EPG5: variants seen among roughly 807,000 people sequenced by gnomAD.
EPG5 encodes the protein ectopic P granules protein 5 homolog.
A neutral mutation model predicts 302.7 loss-of-function variants in EPG5; 159 were observed. That is an observed-to-expected ratio of 0.53 (90% CI 0.46 to 0.60). The LOEUF (loss-of-function observed/expected upper bound fraction) is 0.60, where lower values mean the gene tolerates loss of function less well. EPG5 is among the 20% of genes least tolerant of loss of function. The probability of loss-of-function intolerance (pLI) is 0.00; values close to 1 mark genes in which losing one functional copy is unlikely to be tolerated. For synonymous variants in EPG5, 1,158 were observed against 1,136.8 expected, an observed-to-expected ratio of 1.02 and a Z score of -0.37; for missense variants, 2,896 against 3,092.4, an observed-to-expected ratio of 0.94 and a Z score of 1.51.
chr18:45,823,677 C>A, the EPG5 span, among the ~76,000 whole-genome samples: 2 of 152,150 alleles, frequency 1.3e-5, no homozygotes, highest in Non-Finnish European at 2.9e-5. Context: ...TGCTAGTCTG[C>A]ACAAAGTCCT....
At position 45,947,342 on chromosome 18, in the gene EPG5, G is replaced by A. The variant is rs2050804455; in HGVS notation, c.1572-574C>T. Reference sequence around the variant, plus strand: ...GCAGGAGAATCTCTTGAACCCAGGAGGCAGAGGTTGCAGTGAGCTGAGATC... The same window carrying A: ...GCAGGAGAATCTCTTGAACCCAGGAAGCAGAGGTTGCAGTGAGCTGAGATC... On this transcript the variant is annotated intron_variant, in intron 6 of 43. Coordinates refer to ENST00000282041, the MANE Select transcript of EPG5 (RefSeq NM_020964.3). Among the ~76,000 whole-genome samples, 3 of 152,260 alleles carry A rather than the reference G, an allele frequency of 2.0e-5. No homozygotes were observed. In the Middle Eastern group the frequency reaches 0.01, roughly 518 times the overall value.
At chr18:45,881,066 G>C (rs1332968252) in intron 31 of EPG5, among the ~76,000 whole-genome samples, 1 of 152,210 alleles carries the variant, frequency 6.6e-6, no homozygotes, top group East Asian at 1.9e-4. Context: ...CAGTAGAAGA[G>C]CAAAGGATGC....
Position 45,954,876 on chromosome 18 carries a change from G to C in EPG5, c.526C>G (p.Gln176Glu). 6.2e-7 allele frequency: 1 copy of C among 1,614,098 alleles called. No homozygotes were observed. The highest frequency in any genetic ancestry group is 8.5e-7 in the Non-Finnish European group (1 of 1,180,006). ...CCTTGTTTGTCTTCTTTACTATTCTGAGTTTCTCTGACTTGTATATTTTCC... is the reference window on the plus strand; with the variant it reads ...CCTTGTTTGTCTTCTTTACTATTCTCAGTTTCTCTGACTTGTATATTTTCC... ...AMENIQVRET[Q>E]NSKEDKQGLV... is the part of the protein sequence containing the mutation. Residue 176 changes from glutamine (Q) to glutamate (E), a missense_variant, in exon 2 of 44, where the codon CAG (glutamine) becomes GAG (glutamate). By Grantham distance (29) the Gln-to-Glu change is conservative (BLOSUM62 2). Around this residue, in one of 5 missense-constraint regions of EPG5, gnomAD observed 1,390 missense variants for 1,430.0 expected, o/e 0.97. Coordinates refer to ENST00000282041, the MANE Select transcript of EPG5 (RefSeq NM_020964.3).
rs369369860 is a variant in EPG5, at chr18:45,961,858, CAA to C, written c.63+5317_63+5318del. On this transcript the variant is annotated intron_variant, in intron 1 of 43. Transcript: ENST00000282041. ...GGGCGACAACAGTGAGACTCTGTCC[CAA>C]AAAAAAAAAAAAAAAACTATCCAGA... Among the ~76,000 whole-genome samples the C allele has an allele frequency of 2.6e-4, 26 of 98,438 alleles. No homozygotes were observed. The South Asian group carries it at 4.6e-3, about 17-fold the overall frequency. 64.6% of individuals were successfully genotyped at this position (98,438 alleles called of 152,430 possible). A position where few individuals can be genotyped will look rare whatever the true frequency, so the allele number is the denominator to read the frequency against.
chr18:45,939,759 A>G lies in EPG5; in HGVS notation c.1944-4T>C. ...ACTTACATAACCAAGAGTCATCCTG[A>G]GCATGAGGAAAGATAATACAGTACT... is the stretch of plus-strand genomic sequence containing the variant. On this transcript the variant is annotated splice_polypyrimidine_tract_variant and splice_region_variant and intron_variant, in intron 9 of 43. Coordinates refer to ENST00000282041, the MANE Select transcript of EPG5 (RefSeq NM_020964.3). The G allele has an allele frequency of 6.2e-7, 1 of 1,612,780 alleles. No homozygotes were observed. Among genetic ancestry groups the G allele is most frequent in the Non-Finnish European group, 8.5e-7 (1 of 1,179,666 alleles).
chr18:45,860,408 G>A, intron 39 of EPG5, 62 bp from the exon 40 acceptor site: 4 of 1,598,170 alleles, frequency 2.5e-6, no homozygotes, highest in Non-Finnish European at 3.4e-6. Flanking sequence ...ATGTGATCAG[G>A]AGAATAACAG....
intron 10 of EPG5, among the ~76,000 whole-genome samples, chr18:45,936,198 T>C (rs956219880): frequency 6.6e-6 from 1 of 152,228 alleles, no homozygotes; most frequent in Non-Finnish European, 1.5e-5. Flanking sequence ...CATGGTACTG[T>C]AATTTACATA....
rs921765552 is a variant in EPG5, at chr18:45,880,092, G to C, written c.5650C>G (p.Leu1884Val). 10 of 1,598,338 alleles carry C rather than the reference G, an allele frequency of 6.3e-6. No homozygotes were observed. The highest frequency in any genetic ancestry group is 1.7e-5 in the Admixed American group (1 of 57,480). The change falls in exon 32 of 44, where the codon CTC (leucine) becomes GTC (valine). Residue 1884 changes from leucine (L) to valine (V), a missense_variant. Physicochemically the swap from Leu to Val is conservative, Grantham distance 32. Transcript: ENST00000282041. Reference protein sequence around the residue: ...GAVLPSSSDALLSDKQVMETI... With the variant: ...GAVLPSSSDAVLSDKQVMETI... ...CTACACACCTGCTTGTCTGACAAGAGAGCATCAGAAGAGCTGGGAAGCACG... is the reference window on the plus strand; with the variant it reads ...CTACACACCTGCTTGTCTGACAAGACAGCATCAGAAGAGCTGGGAAGCACG...
intron 27 of EPG5, among the ~76,000 whole-genome samples, chr18:45,891,999 G>A (rs1428248278): frequency 1.3e-5 from 2 of 152,166 alleles, no homozygotes; most frequent in Non-Finnish European, 2.9e-5. Context: ...GGAGAGACAG[G>A]AGCCAAACAG....
At position 45,952,627 on chromosome 18, in the gene EPG5, T is replaced by A. The variant is rs2050937733; in HGVS notation, c.1025A>T (p.Gln342Leu). ...QMSVQGICAD[Q>L]VKVFSYHRYQ... ...GCGATGATAGCTGAAAACTTTCACT[T>A]GATCTGCACAGATACCCTACCAGAG... is the stretch of plus-strand genomic sequence containing the variant. Residue 342 changes from glutamine to leucine, a missense_variant, in exon 3 of 44, where the codon CAA (glutamine) becomes CTA (leucine). Physicochemically the swap from Gln to Leu is moderately radical, Grantham distance 113 (BLOSUM62 -2). Around this residue, in one of 5 missense-constraint regions of EPG5, gnomAD observed 1,390 missense variants for 1,430.0 expected, o/e 0.97. Coordinates refer to ENST00000282041, the MANE Select transcript of EPG5 (RefSeq NM_020964.3). The A allele has an allele frequency of 6.2e-7, 1 of 1,614,060 alleles. No individual in the cohort carries two copies. The highest frequency in any genetic ancestry group is 8.5e-7 in the Non-Finnish European group (1 of 1,180,034).
downstream of EPG5, among the ~76,000 whole-genome samples, chr18:45,847,244 C>A (rs1326953574): frequency 6.6e-6 from 1 of 152,212 alleles, no homozygotes; most frequent in Non-Finnish European, 1.5e-5. Context: ...GGGCATCCCA[C>A]CACTGAAGGT....
chr18:45,899,604 G>C, intron 26 of EPG5, 38 bp from the exon 27 acceptor site: 1 of 1,611,744 alleles, frequency 6.2e-7, no homozygotes, highest in Non-Finnish European at 8.5e-7. Context: ...AAAGTCTTAG[G>C]AAAGGTTATA....
rs1376787433 is a variant in EPG5 at position 45,955,025 on chromosome 18, T to A, written c.377A>T (p.Asp126Val). The A allele has an allele frequency of 6.2e-7, 1 of 1,614,224 alleles. No homozygotes were observed. The highest frequency in any genetic ancestry group is 8.5e-7 in the Non-Finnish European group (1 of 1,180,034). ...SAVTPKVHPG[D>V]NVGTKVETPK... The stretch of plus-strand genomic sequence containing the variant: ...GGTTTCTACTTTAGTTCCAACATTG[T>A]CTCCAGGGTGGACCTTTGGAGTGAC... Residue 126 changes from aspartate (D) to valine (V), a missense_variant, in exon 2 of 44, where the codon GAC becomes GTC. Asp to Val is a radical substitution (Grantham distance 152). Around this residue, in one of 5 missense-constraint regions of EPG5, gnomAD observed 1,390 missense variants for 1,430.0 expected, o/e 0.97. Coordinates refer to ENST00000282041, the MANE Select transcript of EPG5 (RefSeq NM_020964.3).
rs1363379972 is a variant in EPG5 at position 45,949,694 on chromosome 18, T to A, written c.1390-103A>T. ...ATCCAGTGCTTCAATACATGCAATC[T>A]TTCAAAAGAGTAACCAGACACAAGA... On this transcript the variant is annotated intron_variant, in intron 4 of 43. Transcript: ENST00000282041. The A allele has an allele frequency of 7.6e-6, 5 of 656,540 alleles. No individual in the cohort carries two copies. In the East Asian group the frequency reaches 1.4e-4, roughly 19 times the overall value. The allele number at this position is 656,540 out of a possible 1,614,324, so 40.7% of individuals were successfully genotyped here.
the EPG5 span, among the ~76,000 whole-genome samples, chr18:45,812,253 CAACAA>C: frequency 1.3e-5 from 2 of 152,052 alleles, no homozygotes; most frequent in East Asian, 3.8e-4. Context: ...AACCACTGCT[CAACAA>C]AACAAAAGAG....
chr18:45,844,256 G>C (rs1435936129), downstream of EPG5, among the ~76,000 whole-genome samples: 3 of 152,260 alleles, frequency 2.0e-5, no homozygotes, highest in East Asian at 5.8e-4. Context: ...ATGGTTACCA[G>C]GGGCTGGGAA....
intron 27 of EPG5, among the ~76,000 whole-genome samples, chr18:45,894,694 A>C (rs137884731): frequency 1.3e-5 from 2 of 152,298 alleles, no homozygotes; most frequent in African/African-American, 4.8e-5. Context: ...GTGGGAGGAG[A>C]ACAAAAGCAG....
rs368077462 is a variant in EPG5, at chr18:45,916,523, G to C, written c.3299C>G (p.Thr1100Arg). ...TGCCACCTTGTGGGTGACCTGTTGT[G>C]TGACACCCTGAGGGACACCGCTGTC... is the stretch of plus-strand genomic sequence containing the variant. ...HLDSGVPQGV[T>R]QQVTHKVAQH... The change falls in exon 18 of 44, where the codon ACA (threonine) becomes AGA (arginine). Residue 1100 changes from threonine to arginine, a missense_variant. By Grantham distance (71) the Thr-to-Arg change is moderately conservative (BLOSUM62 -1). Coordinates refer to ENST00000282041, the MANE Select transcript of EPG5 (RefSeq NM_020964.3). 3 of 1,613,524 alleles carry C rather than the reference G, an allele frequency of 1.9e-6. No individual in the cohort carries two copies. The highest frequency in any genetic ancestry group is 2.5e-6 in the Non-Finnish European group (3 of 1,179,510).
At chr18:45,843,261 G>A (rs1163226176), downstream of EPG5, 2 of 152,328 alleles carry the variant, frequency 1.3e-5, no homozygotes, top group African/African-American at 4.8e-5. Context: ...CCCTAACGCG[G>A]GCAGGCTGAC....
Sources: allele counts gnomAD v4.1 joint callset (sites outside exome capture counted in the v4.1 genomes callset), GRCh38; gene constraint gnomAD v4.1.1; regional missense constraint gnomAD v4.1.1; transcripts MANE v1.5; gene names NCBI Gene and HGNC (gene_info 2026-07-23, HGNC 2026-07-21).